The following PDGFRA variants were observed in gnomAD, a reference collection of about 807,000 sequenced individuals.
PDGFRA encodes platelet derived growth factor receptor alpha, also known as platelet-derived growth factor receptor alpha.
PDGFRA carries 25 observed loss-of-function variants against 121.5 expected under a neutral mutation model. That is an observed-to-expected ratio of 0.21 (90% CI 0.15 to 0.29). PDGFRA has a LOEUF of 0.29. PDGFRA is among the 10% of genes least tolerant of loss of function. The probability of loss-of-function intolerance (pLI) is 1.00; values close to 1 mark genes in which losing one functional copy is unlikely to be tolerated. For missense variants in PDGFRA, 1,008 were observed against 1,345.1 expected (o/e 0.75, Z 3.92); for synonymous variants, 463 against 494.8 (o/e 0.94, Z 0.85).
intron 3 of PDGFRA, among the ~76,000 whole-genome samples, chr4:54,262,949 G>A (rs2110248559): frequency 6.6e-6 from 1 of 152,252 alleles, no homozygotes; most frequent in East Asian, 1.9e-4. Context: ...CTTTTTATTC[G>A]CAATCATGCA....
At chr4:54,232,506 C>A (rs1381053060) in intron 1 of PDGFRA, among the ~76,000 whole-genome samples, 4 of 152,214 alleles carry the variant, frequency 2.6e-5, no homozygotes, top group Admixed American at 2.6e-4. Context: ...GAAAGGGGAG[C>A]GACAAGCGCG....
At chr4:54,278,223 TAAAAAAAAAAAAAAAAAAAAAAAA>T (rs5858262) in intron 14 of PDGFRA, 115 bp from the exon 15 acceptor site, 1 of 486,072 alleles carries the variant, frequency 2.1e-6, no homozygotes, top group Admixed American at 3.9e-5. Context: ...GGCTCTTTAT[TAAAAAAAAAAAAAAAAAAAAAAAA>T]AAAAAACTTT....
At chr4:54,264,245 C>A (rs1249380949) in intron 4 of PDGFRA, 6 of 478,768 alleles carry the variant, frequency 1.3e-5, no homozygotes, top group Non-Finnish European at 2.2e-5. Context: ...AACAAACATA[C>A]ACCCAGGGGG....
In PDGFRA at chr4:54,273,588, C is replaced by T. The variant is rs1194414252; in HGVS notation, c.1416C>T (p.Ile472=). The T allele has an allele frequency of 2.5e-6, 4 of 1,614,158 alleles. No individual in the cohort carries two copies. In the South Asian group the frequency reaches 3.3e-5, roughly 13 times the overall value. ...TTTTGGCCAACAATGTCTCAAACAT[C>T]ATCACGGAGATCCACTCCCGAGACA... ...WTILANNVSN[I]ITEIHSRDRS... Residue 472 remains isoleucine (I), a synonymous_variant, in exon 10 of 23, where the codon ATC becomes ATT. Transcript: ENST00000257290.
chr4:54,267,047 GT>G (rs1723065553), intron 5 of PDGFRA, among the ~76,000 whole-genome samples: 1 of 152,038 alleles, frequency 6.6e-6, no homozygotes. Context: ...TATTCTTTAG[GT>G]TTTATCTTTT....
At position 54,272,437 on chromosome 4, in the gene PDGFRA, A is replaced by T. The variant is rs1409688387; in HGVS notation, c.1281A>T (p.Ser427=). The T allele has an allele frequency of 2.5e-6, 4 of 1,613,870 alleles. No homozygotes were observed. Among genetic ancestry groups the T allele is most frequent in the Admixed American group, 1.7e-5 (1 of 60,000 alleles). Reference sequence around the variant, plus strand: ...ACTTGGTCGATGATCACCATGGCTCAACTGGGGGACAGACGGTGAGGTGCA... The same window carrying T: ...ACTTGGTCGATGATCACCATGGCTCTACTGGGGGACAGACGGTGAGGTGCA... ...ILDLVDDHHG[S]TGGQTVRCTA... is the part of the protein sequence containing the mutation. The change falls in exon 9 of 23, where the codon TCA becomes TCT. Residue 427 remains serine, a synonymous_variant. Coordinates refer to ENST00000257290, the MANE Select transcript of PDGFRA (RefSeq NM_006206.6).
chr4:54,295,278 G>C lies in PDGFRA; in HGVS notation c.*6G>C, dbSNP rs148697831. 6.2e-6 allele frequency: 10 copies of C among 1,613,852 alleles called. No homozygotes were observed. The highest frequency in any genetic ancestry group is 7.6e-6 in the Non-Finnish European group (9 of 1,179,938). Reference sequence around the variant, plus strand: ...TGGAAGACAGCTTCCTGTAACTGGCGGATTCGAGGGGTTCCTTCCACTTCT... The same window carrying C: ...TGGAAGACAGCTTCCTGTAACTGGCCGATTCGAGGGGTTCCTTCCACTTCT... On this transcript the variant is annotated 3_prime_UTR_variant, in exon 23 of 23. Coordinates refer to ENST00000257290, the MANE Select transcript of PDGFRA (RefSeq NM_006206.6).
rs35597368 is a variant in PDGFRA at position 54,273,604 on chromosome 4, T to C, written c.1432T>C (p.Ser478Pro). 201,411 of 1,613,404 alleles carry C rather than the reference T, an allele frequency of 0.12. 14,579 individuals carry two copies. The highest frequency in any genetic ancestry group is 0.26 in the Admixed American group (15,379 of 59,992). The stretch of plus-strand genomic sequence containing the variant: ...CTCAAACATCATCACGGAGATCCAC[T>C]CCCGAGACAGGAGTACCGTGGAGGG... ...NVSNIITEIH[S>P]RDRSTVEGRV... Residue 478 changes from serine to proline, a missense_variant, in exon 10 of 23, where the codon TCC becomes CCC. Ser to Pro is a moderately conservative substitution (Grantham distance 74). Transcript: ENST00000257290.
intron 1 of PDGFRA, among the ~76,000 whole-genome samples, chr4:54,249,680 G>A (rs6554165): frequency 0.34 from 51,431 of 151,656 alleles, 10,832 homozygotes; most frequent in African/African-American, 0.6. Context: ...GATATACCTC[G>A]TGCTAAATGA....
chr4:54,277,339 G>A (rs2110307735), intron 12 of PDGFRA, 49 bp from the exon 13 acceptor site: 1 of 1,281,896 alleles, frequency 7.8e-7, no homozygotes, highest in South Asian at 1.2e-5. Context: ...GCAGAAAGCT[G>A]AGGAGGCGTC....
At chr4:54,246,636 C>G (rs944881264) in intron 1 of PDGFRA, among the ~76,000 whole-genome samples, 149 of 151,982 alleles carry the variant, frequency 9.8e-4, no homozygotes, top group Middle Eastern at 3.4e-3. Context: ...AATTGTCACC[C>G]TAACATCACA....
At chr4:54,280,963 C>A (rs1383871888) in intron 16 of PDGFRA, among the ~76,000 whole-genome samples, 1 of 151,962 alleles carries the variant, frequency 6.6e-6, no homozygotes, top group Non-Finnish European at 1.5e-5. Context: ...TTCAGTAACC[C>A]TTGCTTTTAC....
At chr4:54,266,762 C>T (rs1723050968) in intron 5 of PDGFRA, among the ~76,000 whole-genome samples, 1 of 152,128 alleles carries the variant, frequency 6.6e-6, no homozygotes, top group Non-Finnish European at 1.5e-5. Flanking sequence ...AGGAGAGTCA[C>T]TTGAGGCCAG....
chr4:54,231,795 C>A (rs1720688289), intron 1 of PDGFRA, among the ~76,000 whole-genome samples: 1 of 152,236 alleles, frequency 6.6e-6, no homozygotes, highest in South Asian at 2.1e-4. Context: ...GCCCCCGGTG[C>A]CCTGGCTCTT....
chr4:54,256,631 G>C (rs922200639), intron 1 of PDGFRA, among the ~76,000 whole-genome samples: 15 of 151,400 alleles, frequency 9.9e-5, no homozygotes, highest in Non-Finnish European at 1.5e-4. Flanking sequence ...TGCAGCCTCT[G>C]CCTCCCTGGT....
chr4:54,233,176 C>CGCGCAGGG (rs201329156), intron 1 of PDGFRA, among the ~76,000 whole-genome samples: 3,122 of 152,020 alleles, frequency 0.021, 92 homozygotes, highest in African/African-American at 0.063. Context: ...CAGAGCGCGG[C>CGCGCAGGG]GCGCAGGGGC....
chr4:54,264,188 A>G, intron 4 of PDGFRA: 1 of 544,414 alleles, frequency 1.8e-6, no homozygotes, highest in Non-Finnish European at 3.2e-6. Flanking sequence ...CTTTTCTTAC[A>G]TAAGCCTCTT....
At chr4:54,245,320 C>T (rs907736816) in intron 1 of PDGFRA, among the ~76,000 whole-genome samples, 1 of 152,198 alleles carries the variant, frequency 6.6e-6, no homozygotes, top group Non-Finnish European at 1.5e-5. Context: ...AGAGTAAGGT[C>T]AGGTTACCCA....
intron 16 of PDGFRA, among the ~76,000 whole-genome samples, chr4:54,281,185 G>C (rs913402400): frequency 1.2e-4 from 18 of 152,294 alleles, no homozygotes; most frequent in Admixed American, 9.8e-4. Context: ...TGCTCAGGGT[G>C]GTTCCTCCAG....
Sources: allele counts gnomAD v4.1 joint callset (sites outside exome capture counted in the v4.1 genomes callset), GRCh38; gene constraint gnomAD v4.1.1; transcripts MANE v1.5; gene names NCBI Gene and HGNC (gene_info 2026-07-23, HGNC 2026-07-21).